Variants in CNTN3 observed in about 807,000 individuals in gnomAD.
CNTN3 encodes contactin-3.
In CNTN3, 60 loss-of-function variants were observed where a neutral mutation model predicts 119.1. The observed-to-expected ratio is 0.50, with a 90% confidence interval of 0.41 to 0.62. The LOEUF (loss-of-function observed/expected upper bound fraction) is 0.62, where lower values mean the gene tolerates loss of function less well. Among genes scored for constraint, CNTN3 ranks in the 20% least tolerant of loss-of-function variants. The pLI, the probability that CNTN3 is intolerant of heterozygous loss-of-function variation, is 0.00. For missense variants in CNTN3, 1,101 were observed against 1,242.4 expected, an observed-to-expected ratio of 0.89 and a Z score of 1.71; for synonymous variants, 450 against 438.7, an observed-to-expected ratio of 1.03 and a Z score of -0.32.
intron 8 of CNTN3, among the ~76,000 whole-genome samples, chr3:74,365,969 T>G (rs1704176876): frequency 6.6e-6 from 1 of 152,148 alleles, no homozygotes; most frequent in South Asian, 2.1e-4. Flanking sequence ...TTCAAAATTC[T>G]GAGCACTGTA....
At chr3:74,435,629 A>G (rs769366122) in intron 4 of CNTN3, among the ~76,000 whole-genome samples, 8 of 152,240 alleles carry the variant, frequency 5.3e-5, no homozygotes, top group Non-Finnish European at 1.2e-4. Context: ...AGGAATTAAT[A>G]GATGGATGGC....
chr3:74,494,827 A>T (rs1340150487), intron 3 of CNTN3, among the ~76,000 whole-genome samples: 1 of 152,128 alleles, frequency 6.6e-6, no homozygotes, highest in Non-Finnish European at 1.5e-5. Context: ...TCACTTTTAA[A>T]GGAGTTACAG....
At chr3:74,341,332 G>C (rs973225267) in intron 11 of CNTN3, among the ~76,000 whole-genome samples, 5 of 152,052 alleles carry the variant, frequency 3.3e-5, no homozygotes, top group African/African-American at 9.7e-5. Context: ...CACTATAAAC[G>C]AATTTGCTTT....
rs1703544908 is a variant in CNTN3 at position 74,521,621 on chromosome 3, C to T, written c.-80-429G>A. On this transcript the variant is annotated intron_variant, in intron 1 of 22. Transcript: ENST00000263665. ...GTTTCTGAATTCCTAATAAAGCATG[C>T]AAATTATAGATAGCATTATCAATGT... Among the ~76,000 whole-genome samples the T allele has an allele frequency of 2.0e-5, 3 of 151,626 alleles. No homozygotes were observed. In the South Asian group the frequency reaches 6.2e-4, roughly 31 times the overall value.
intron 4 of CNTN3, among the ~76,000 whole-genome samples, chr3:74,475,519 T>C (rs892773097): frequency 2.0e-5 from 3 of 152,302 alleles, no homozygotes; most frequent in South Asian, 2.1e-4. Context: ...GCACACATCC[T>C]GCATCGCTGC....
At chr3:74,315,444 G>T (rs2106652409) in intron 13 of CNTN3, among the ~76,000 whole-genome samples, 1 of 151,974 alleles carries the variant, frequency 6.6e-6, no homozygotes, top group African/African-American at 2.4e-5. Context: ...CCTCTCTTGG[G>T]GTCTGGATTG....
At chr3:74,518,523 C>T (rs577700581) in intron 2 of CNTN3, among the ~76,000 whole-genome samples, 6 of 151,932 alleles carry the variant, frequency 3.9e-5, no homozygotes, top group African/African-American at 9.6e-5. Flanking sequence ...ATTGCTTACT[C>T]GAAGTGCCAC....
intron 20 of CNTN3, among the ~76,000 whole-genome samples, chr3:74,281,860 C>A (rs1416628789): frequency 1.3e-5 from 2 of 152,088 alleles, no homozygotes; most frequent in African/African-American, 4.8e-5. Context: ...AATTTGAGAT[C>A]TTATTACATG....
intron 1 of CNTN3, among the ~76,000 whole-genome samples, chr3:74,592,027 C>A (rs994939433): frequency 1.3e-5 from 2 of 151,848 alleles, no homozygotes; most frequent in Non-Finnish European, 2.9e-5. Context: ...AAAATATCAA[C>A]CAGCCAGAGC....
intron 1 of CNTN3, among the ~76,000 whole-genome samples, chr3:74,533,245 C>T (rs1474514701): frequency 6.6e-6 from 1 of 152,008 alleles, no homozygotes; most frequent in African/African-American, 2.4e-5. Context: ...GCTCTGGAAA[C>T]CAACTGCGTA....
At position 74,364,567 on chromosome 3, in the gene CNTN3, A is replaced by C; in HGVS notation, c.1113T>G (p.Leu371=). ...CAGTCACACTTAGGTTTGATATTGT[A>C]AGGGCACCATTTTCTATCTGTGTTC... ...EERTQIENGA[L]TISNLSVTDS... Residue 371 remains leucine (L), a synonymous_variant, in exon 10 of 23, where the codon CTT becomes CTG. Transcript: ENST00000263665. 3.7e-6 allele frequency: 6 copies of C among 1,609,854 alleles called. No individual in the cohort carries two copies. Among genetic ancestry groups the C allele is most frequent in the Non-Finnish European group, 5.1e-6 (6 of 1,176,606 alleles).
chr3:74,279,700 G>C (rs1382164890), intron 20 of CNTN3, among the ~76,000 whole-genome samples: 1 of 152,080 alleles, frequency 6.6e-6, no homozygotes, highest in Non-Finnish European at 1.5e-5. Flanking sequence ...TATACCACTT[G>C]GGGGATGGGT....
At chr3:74,392,181 G>A (rs1251896411) in intron 5 of CNTN3, among the ~76,000 whole-genome samples, 1 of 152,160 alleles carries the variant, frequency 6.6e-6, no homozygotes. Context: ...TTCCAAGAAT[G>A]TGAAGTATTT....
intron 4 of CNTN3, among the ~76,000 whole-genome samples, chr3:74,431,416 C>T (rs371435686): frequency 2.2e-4 from 34 of 152,268 alleles, no homozygotes; most frequent in African/African-American, 7.7e-4. Flanking sequence ...ACAAGTCTGT[C>T]TCTGTACGAC....
chr3:74,488,767 G>T (rs1702907425), intron 3 of CNTN3, among the ~76,000 whole-genome samples: 2 of 152,162 alleles, frequency 1.3e-5, no homozygotes, highest in Non-Finnish European at 1.5e-5. Flanking sequence ...GAAATTAAGA[G>T]AATAAACTGG....
intron 13 of CNTN3, among the ~76,000 whole-genome samples, chr3:74,331,009 G>A (rs1322174359): frequency 6.6e-6 from 1 of 152,106 alleles, no homozygotes; most frequent in Non-Finnish European, 1.5e-5. Context: ...AAAAGTTATG[G>A]TAAGCTACGG....
chr3:74,410,718 C>G (rs573081282), intron 5 of CNTN3, among the ~76,000 whole-genome samples: 1 of 152,014 alleles, frequency 6.6e-6, no homozygotes, highest in Non-Finnish European at 1.5e-5. Context: ...AGAATGGGTC[C>G]CCTTATCTGA....
Position 74,528,238 on chromosome 3 carries a change from T to C in CNTN3, c.-80-7046A>G, listed in dbSNP as rs182082711. Among the ~76,000 whole-genome samples the C allele has an allele frequency of 9.2e-5, 14 of 151,986 alleles. No homozygotes were observed. In the East Asian group the frequency reaches 2.7e-3, roughly 30 times the overall value. On this transcript the variant is annotated intron_variant, in intron 1 of 22. Transcript: ENST00000263665. ...GACCTCCTTGTACGATAATGAAGAATGTACCTTTCCTAAGTCTACATAACA... is the reference window on the plus strand; with the variant it reads ...GACCTCCTTGTACGATAATGAAGAACGTACCTTTCCTAAGTCTACATAACA...
intron 19 of CNTN3, among the ~76,000 whole-genome samples, chr3:74,290,836 C>T (rs1365726483): frequency 6.6e-6 from 1 of 151,918 alleles, no homozygotes; most frequent in African/African-American, 2.4e-5. Flanking sequence ...GGACTACAGG[C>T]ACCTGCCACT....
Sources: gnomAD v4.1 joint callset for allele counts (sites outside exome capture counted in the v4.1 genomes callset) on GRCh38, gnomAD v4.1.1 for gene constraint, MANE v1.5 for transcripts, NCBI Gene and HGNC (gene_info 2026-07-23, HGNC 2026-07-21) for gene names.